The following CACNA2D3 variants were observed in gnomAD, a reference collection of about 807,000 sequenced individuals.
The protein encoded by CACNA2D3 is calcium voltage-gated channel auxiliary subunit alpha2delta 3, also known as voltage-dependent calcium channel subunit alpha-2/delta-3.
Under a neutral mutation model 160.6 loss-of-function variants are expected in CACNA2D3, and 60 were observed. The ratio of observed to expected loss-of-function variants is 0.37; its 90% CI spans 0.30 to 0.46. CACNA2D3 has a LOEUF of 0.46. Among genes scored for constraint, CACNA2D3 ranks in the 20% least tolerant of loss-of-function variants. The pLI, the probability that CACNA2D3 is intolerant of heterozygous loss-of-function variation, is 1.00. For synonymous variants in CACNA2D3, 558 were observed against 492.9 expected (o/e 1.13, Z -1.75); for missense variants, 1,205 against 1,365.0 (o/e 0.88, Z 1.85).
intron 2 of CACNA2D3, among the ~76,000 whole-genome samples, chr3:54,176,254 C>G (rs1443212965): frequency 2.0e-5 from 3 of 152,198 alleles, no homozygotes; most frequent in Admixed American, 6.5e-5. Context: ...CTTCTTTCCT[C>G]GCTCCAGGAT....
At chr3:54,893,502 A>G (rs928235254) in intron 25 of CACNA2D3, among the ~76,000 whole-genome samples, 1 of 151,960 alleles carries the variant, frequency 6.6e-6, no homozygotes, top group Non-Finnish European at 1.5e-5. Flanking sequence ...CCTCCCATCA[A>G]ATGGTATTTG....
rs1700301803 is a variant in CACNA2D3 at position 54,451,229 on chromosome 3, C to CTTATTTTTTT, written c.382-52261_382-52260insATTTTTTTTT. On this transcript the variant is annotated intron_variant, in intron 4 of 37. Coordinates refer to ENST00000474759, the MANE Select transcript of CACNA2D3 (RefSeq NM_018398.3). ...TGTCCCTTTCTGCTGATATAATAAT[C>CTTATTTTTTT]TTTTTTTTTTTTTTTTTTTTTTTTT... Among the ~76,000 whole-genome samples, 3 of 51,732 alleles carry CTTATTTTTTT rather than the reference C, an allele frequency of 5.8e-5. 1 individual carries two copies. The highest frequency in any genetic ancestry group is 2.6e-4 in the African/African-American group (3 of 11,594). 33.9% of individuals were successfully genotyped at this position (51,732 alleles called of 152,430 possible). A position where few individuals can be genotyped will look rare whatever the true frequency, so the allele number is the denominator to read the frequency against.
chr3:54,646,732 C>CT (rs977310168), intron 11 of CACNA2D3, among the ~76,000 whole-genome samples: 17 of 152,108 alleles, frequency 1.1e-4, no homozygotes, highest in African/African-American at 3.1e-4. Context: ...TGCATGTTAT[C>CT]TTTATAATAG....
intron 11 of CACNA2D3, among the ~76,000 whole-genome samples, chr3:54,689,468 C>G (rs1443977431): frequency 6.6e-6 from 1 of 152,100 alleles, no homozygotes; most frequent in Non-Finnish European, 1.5e-5. Context: ...ACTTGTGCAT[C>G]AAATTGCCTC....
chr3:54,901,718 A>G (rs1367178591), intron 27 of CACNA2D3, among the ~76,000 whole-genome samples: 1 of 152,186 alleles, frequency 6.6e-6, no homozygotes, highest in African/African-American at 2.4e-5. Context: ...CTTACCTTTT[A>G]GAATTGGTGA....
intron 4 of CACNA2D3, among the ~76,000 whole-genome samples, chr3:54,472,687 G>T (rs1230386915): frequency 2.6e-5 from 4 of 152,180 alleles, no homozygotes; most frequent in African/African-American, 9.7e-5. Context: ...CTTCAGCAAA[G>T]TCTCAGGATA....
intron 4 of CACNA2D3, among the ~76,000 whole-genome samples, chr3:54,473,147 A>G (rs1267715345): frequency 2.6e-5 from 4 of 152,240 alleles, no homozygotes; most frequent in Non-Finnish European, 5.9e-5. Flanking sequence ...ACAAGACTAC[A>G]GTAACCAAAA....
Position 54,846,420 on chromosome 3 carries a change from A to G in CACNA2D3, c.1579A>G (p.Ile527Val), listed in dbSNP as rs371885789. Residue 527 changes from isoleucine (I) to valine (V), a missense_variant, in exon 17 of 38, where the codon ATC (isoleucine) becomes GTC (valine). Ile to Val is a conservative substitution (Grantham distance 29). Coordinates refer to ENST00000474759, the MANE Select transcript of CACNA2D3 (RefSeq NM_018398.3). ...AGGGATTCACGGTTATGCCTTTGCA[A>G]TCACAAATAATGGATATATCCTGAC... ...KLGIHGYAFA[I>V]TNNGYILTHP... 15 of 1,607,248 alleles carry G rather than the reference A, an allele frequency of 9.3e-6. No individual in the cohort carries two copies. The highest frequency in any genetic ancestry group is 1.2e-5 in the Non-Finnish European group (14 of 1,176,526).
chr3:54,920,324 G>C (rs916389642), intron 27 of CACNA2D3, among the ~76,000 whole-genome samples: 2 of 152,134 alleles, frequency 1.3e-5, no homozygotes, highest in African/African-American at 4.8e-5. Context: ...AGGATTATCA[G>C]GTGGCCCCAA....
At chr3:54,462,342 G>T (rs1307450999) in intron 4 of CACNA2D3, among the ~76,000 whole-genome samples, 1 of 151,966 alleles carries the variant, frequency 6.6e-6, no homozygotes, top group Non-Finnish European at 1.5e-5. Context: ...TGTTAACTTT[G>T]TCTCGCTGAT....
chr3:55,074,016 C>A, intron 37 of CACNA2D3, 98 bp from the exon 38 acceptor site: 1 of 1,181,040 alleles, frequency 8.5e-7, no homozygotes, highest in Non-Finnish European at 1.3e-6. Flanking sequence ...TCCCAGAAGA[C>A]TTCGTTCTTA....
chr3:54,719,345 G>T (rs1469672884), intron 11 of CACNA2D3, among the ~76,000 whole-genome samples: 5 of 151,784 alleles, frequency 3.3e-5, no homozygotes, highest in African/African-American at 1.2e-4. Context: ...GTGCTCTTCT[G>T]TTCCTAGTGT....
intron 11 of CACNA2D3, among the ~76,000 whole-genome samples, chr3:54,650,341 A>T (rs1559539236): frequency 6.6e-6 from 1 of 151,430 alleles, no homozygotes; most frequent in Non-Finnish European, 1.5e-5. Flanking sequence ...CTAGGATTAC[A>T]GTCAGGCACC....
chr3:54,160,093 G>A (rs539970826), intron 2 of CACNA2D3, among the ~76,000 whole-genome samples: 78 of 152,290 alleles, frequency 5.1e-4, no homozygotes, highest in Middle Eastern at 6.8e-3. Flanking sequence ...GGAGAGAATA[G>A]GAAGATGATT....
intron 9 of CACNA2D3, among the ~76,000 whole-genome samples, chr3:54,605,025 G>C (rs1703139805): frequency 6.6e-6 from 1 of 152,164 alleles, no homozygotes; most frequent in Non-Finnish European, 1.5e-5. Flanking sequence ...ACCTGTAGAG[G>C]AATCTTTTTT....
At chr3:54,393,581 G>A (rs577502531) in intron 4 of CACNA2D3, among the ~76,000 whole-genome samples, 8 of 152,294 alleles carry the variant, frequency 5.3e-5, no homozygotes, top group East Asian at 1.9e-4. Flanking sequence ...AGTCACTATC[G>A]TGCTTCGCCC....
At chr3:54,597,794 C>A (rs942489870) in intron 9 of CACNA2D3, among the ~76,000 whole-genome samples, 3 of 152,108 alleles carry the variant, frequency 2.0e-5, no homozygotes, top group Non-Finnish European at 2.9e-5. Flanking sequence ...AGTTACTGTT[C>A]AGCATGACAA....
chr3:54,311,710 CA>C (rs1452683611), intron 2 of CACNA2D3, among the ~76,000 whole-genome samples: 1 of 152,116 alleles, frequency 6.6e-6, no homozygotes, highest in African/African-American at 2.4e-5. Context: ...TAAAATGAAC[CA>C]AAAATAAGCC....
At chr3:54,190,910 C>G (rs1334331505) in intron 2 of CACNA2D3, among the ~76,000 whole-genome samples, 1 of 152,070 alleles carries the variant, frequency 6.6e-6, no homozygotes, top group East Asian at 1.9e-4. Flanking sequence ...GTTTTCTCAT[C>G]TGTAAAATGG....
Sources: allele counts gnomAD v4.1 joint callset (sites outside exome capture counted in the v4.1 genomes callset), GRCh38; gene constraint gnomAD v4.1.1; transcripts MANE v1.5; gene names NCBI Gene and HGNC (gene_info 2026-07-23, HGNC 2026-07-21).